LACRT: variants seen among roughly 807,000 people sequenced by gnomAD.
LACRT encodes the protein extracellular glycoprotein lacritin.
LACRT carries 14 observed loss-of-function variants against 14.5 expected under a neutral mutation model. That is an observed-to-expected ratio of 0.96 (90% confidence interval 0.64 to 1.51). LACRT has a LOEUF of 1.51. Among genes scored for constraint, LACRT ranks in the 40% most tolerant of loss-of-function variants. LACRT has a pLI of 0.00. For missense variants in LACRT, 156 were observed against 161.8 expected (o/e 0.96, Z 0.19); for synonymous variants, 70 against 63.5 (o/e 1.10, Z -0.48).
intron 1 of LACRT, 44 bp from the exon 2 acceptor site, chr12:54,633,277 G>A (rs758425189): frequency 7.6e-6 from 12 of 1,569,748 alleles, no homozygotes; most frequent in East Asian, 2.2e-5. Flanking sequence ...GGACCGAACC[G>A]GACCTACTCG....
chr12:54,634,266 C>A (rs1174484720), intron 1 of LACRT, among the ~76,000 whole-genome samples: 1 of 150,642 alleles, frequency 6.6e-6, no homozygotes, highest in Non-Finnish European at 1.5e-5. Flanking sequence ...GCAAGATAAT[C>A]GCTGGAACCC....
At chr12:54,634,743 G>A in intron 1 of LACRT, 41 bp downstream of exon 1, 4 of 1,575,882 alleles carry the variant, frequency 2.5e-6, no homozygotes, top group African/African-American at 1.3e-5. Flanking sequence ...TCCTTGGACT[G>A]GGAGGACTCT....
intron 1 of LACRT, among the ~76,000 whole-genome samples, chr12:54,633,593 G>A (rs930248611): frequency 1.3e-5 from 2 of 152,152 alleles, no homozygotes; most frequent in Non-Finnish European, 2.9e-5. Flanking sequence ...GACAGTATGT[G>A]GGGGTTATGG....
At chr12:54,631,333 G>A (rs1011458369) in intron 4 of LACRT, among the ~76,000 whole-genome samples, 5 of 152,068 alleles carry the variant, frequency 3.3e-5, no homozygotes, top group Non-Finnish European at 5.9e-5. Context: ...TCTGCCTCAC[G>A]GGCTCAGGTG....
intron 1 of LACRT, among the ~76,000 whole-genome samples, chr12:54,634,242 C>T (rs1030049413): frequency 2.0e-5 from 3 of 151,732 alleles, no homozygotes; most frequent in African/African-American, 4.9e-5. Flanking sequence ...GTCCCAGCTA[C>T]CCAGGAGGCT....
rs770173267 is a variant in LACRT at position 54,634,876 on chromosome 12, C to A, written c.-35G>T. On this transcript the variant is annotated 5_prime_UTR_variant, in exon 1 of 5. Coordinates refer to ENST00000257867, the MANE Select transcript of LACRT (RefSeq NM_033277.2). ...TGAGGAGTGAGTATAACCACAGAAT[C>A]TGCAGAAGGTCTGGGGAATAAGGAT... 1.9e-6 allele frequency: 3 copies of A among 1,555,564 alleles called. No homozygotes were observed. The highest frequency in any genetic ancestry group is 3.3e-5 in the Admixed American group (2 of 59,924).
chr12:54,632,480 C>T (rs545345823), intron 2 of LACRT, 99 bp from the exon 3 acceptor site: 1 of 1,398,006 alleles, frequency 7.2e-7, no homozygotes, highest in Non-Finnish European at 9.9e-7. Flanking sequence ...GTGCTGGGTG[C>T]CAGGATACAG....
rs1471931513 is a variant in LACRT, at chr12:54,630,818, C to CT, written c.*73dup. On this transcript the variant is annotated 3_prime_UTR_variant, in exon 5 of 5. Transcript: ENST00000257867. ...GCACAGGCACACAGCAAGTTGGATG[C>CT]TTTCGTTTTAATAGCTCTGGGCTAC... The CT allele has an allele frequency of 8.4e-7, 1 of 1,185,386 alleles. No individual in the cohort carries two copies. Among genetic ancestry groups the CT allele is most frequent in the Non-Finnish European group, 1.3e-6 (1 of 795,574 alleles). 73.4% of individuals were successfully genotyped at this position (1,185,386 alleles called of 1,614,324 possible).
At chr12:54,633,617 C>T (rs749934701) in intron 1 of LACRT, among the ~76,000 whole-genome samples, 19 of 152,024 alleles carry the variant, frequency 1.2e-4, no homozygotes, top group Non-Finnish European at 2.2e-4. Flanking sequence ...CATATTTGAG[C>T]GATTTGCAGG....
At chr12:54,632,766 G>A (rs972820250) in intron 2 of LACRT, among the ~76,000 whole-genome samples, 6 of 152,086 alleles carry the variant, frequency 3.9e-5, no homozygotes, top group South Asian at 4.1e-4. Context: ...ATGTGGGTGC[G>A]ACATAAAAGA....
At chr12:54,633,058 A>C in intron 2 of LACRT, 122 bp downstream of exon 2, 1 of 961,718 alleles carries the variant, frequency 1.0e-6, no homozygotes. Context: ...GCCCCTCCCC[A>C]TTACCACCAA....
chr12:54,634,730 G>A, intron 1 of LACRT, 54 bp downstream of exon 1: 1 of 1,502,252 alleles, frequency 6.7e-7, no homozygotes, highest in South Asian at 1.1e-5. Flanking sequence ...AGGAGTGAGG[G>A]GCTCCTTGGA....
intron 2 of LACRT, 88 bp downstream of exon 2, chr12:54,633,092 A>T: frequency 1.6e-6 from 2 of 1,250,570 alleles, no homozygotes; most frequent in Non-Finnish European, 2.4e-6. Flanking sequence ...ATCTCCTCCC[A>T]CTGGCTTCTT....
At chr12:54,634,581 G>A (rs1293057159) in intron 1 of LACRT, among the ~76,000 whole-genome samples, 1 of 152,154 alleles carries the variant, frequency 6.6e-6, no homozygotes, top group Non-Finnish European at 1.5e-5. Flanking sequence ...TGAGCTGGGA[G>A]GGCAGGCAGA....
At position 54,631,756 on chromosome 12, in the gene LACRT, C is replaced by A; in HGVS notation, c.337G>T (p.Gly113Ter). 2 of 1,613,688 alleles carry A rather than the reference C, an allele frequency of 1.2e-6. No individual in the cohort carries two copies. Among genetic ancestry groups the A allele is most frequent in the Non-Finnish European group, 1.7e-6 (2 of 1,179,586 alleles). ...GKGMHGGVPG[G>*]KQFIENGSEF... ...CACTCACTTTCGATGAATTGTTTTC[C>A]ACCTGGCACGCCTCCGTGCATTCCT... The change falls in exon 4 of 5, where the codon GGA (glycine) becomes TGA (stop). Residue 113 changes from glycine (G) to a stop codon, truncating the protein, a stop_gained. Transcript: ENST00000257867. LOFTEE classifies it low-confidence loss of function (END_TRUNC).
rs756932535 is a variant in LACRT at position 54,632,303 on chromosome 12, G to A, written c.191C>T (p.Ser64Leu). Residue 64 changes from serine (S) to leucine (L), a missense_variant, in exon 3 of 5, where the codon TCG becomes TTG. Ser to Leu is a moderately radical substitution (Grantham distance 145). Transcript: ENST00000257867. Reference sequence around the variant, plus strand: ...GGCTGTCCCCTGAACTGCTGCCGCCGAAGTCTCCTGGGCTGTTGTGGTTGT... The same window carrying A: ...GGCTGTCCCCTGAACTGCTGCCGCCAAAGTCTCCTGGGCTGTTGTGGTTGT... ...PETTTTAQETSAAAVQGTAKV... is the reference protein window; with the variant it reads ...PETTTTAQETLAAAVQGTAKV... 33 of 1,613,986 alleles carry A rather than the reference G, an allele frequency of 2.0e-5. No homozygotes were observed. In the South Asian group the frequency reaches 2.3e-4, roughly 11 times the overall value.
intron 2 of LACRT, among the ~76,000 whole-genome samples, chr12:54,632,866 AG>A (rs1249773033): frequency 1.3e-5 from 2 of 152,124 alleles, no homozygotes; most frequent in African/African-American, 4.8e-5. Context: ...AGGTGTTTGC[AG>A]GTGAAGGTAT....
At chr12:54,632,209 G>A (rs1457004244) in intron 3 of LACRT, 32 bp downstream of exon 3, 1 of 1,611,136 alleles carries the variant, frequency 6.2e-7, no homozygotes, top group East Asian at 2.2e-5. Flanking sequence ...ACTTTTCTAG[G>A]TTGTTGATCT....
At position 54,633,240 on chromosome 12, in the gene LACRT, T is replaced by C; in HGVS notation, c.59-7A>G. The stretch of plus-strand genomic sequence containing the variant: ...GAGTCAGAGGAGGCATCTTCTGCAA[T>C]GGGGGAAACATGCCAGATGAGAGCA... On this transcript the variant is annotated splice_polypyrimidine_tract_variant and splice_region_variant and intron_variant, in intron 1 of 4. Coordinates refer to ENST00000257867, the MANE Select transcript of LACRT (RefSeq NM_033277.2). The C allele has an allele frequency of 6.2e-7, 1 of 1,613,452 alleles. No individual in the cohort carries two copies. Among genetic ancestry groups the C allele is most frequent in the Non-Finnish European group, 8.5e-7 (1 of 1,179,690 alleles).
Sources: allele counts gnomAD v4.1 joint callset (sites outside exome capture counted in the v4.1 genomes callset), GRCh38; gene constraint gnomAD v4.1.1; transcripts MANE v1.5; gene names NCBI Gene and HGNC (gene_info 2026-07-23, HGNC 2026-07-21).